Variants in KIRREL3 observed in about 807,000 individuals in gnomAD.
KIRREL3 encodes the protein kin of IRRE-like protein 3.
A neutral mutation model predicts 89.7 loss-of-function variants in KIRREL3; 36 were observed. The ratio of observed to expected loss-of-function variants is 0.40; its 90% CI spans 0.31 to 0.53. The LOEUF (loss-of-function observed/expected upper bound fraction) is 0.53, where lower values mean the gene tolerates loss of function less well. KIRREL3 is among the 20% of genes least tolerant of loss of function. KIRREL3 has a pLI of 0.49. For missense variants in KIRREL3, 864 were observed against 1,056.6 expected (o/e 0.82, Z 2.53); for synonymous variants, 445 against 441.4 (o/e 1.01, Z -0.10).
At chr11:126,671,222 A>C (rs1160596590) in intron 1 of KIRREL3, among the ~76,000 whole-genome samples, 1 of 148,996 alleles carries the variant, frequency 6.7e-6, no homozygotes, top group Non-Finnish European at 1.5e-5. Flanking sequence ...TAGATTGGTG[A>C]TGAGTTTTTC....
rs955667030 is a variant in KIRREL3 at position 126,576,491 on chromosome 11, T to G, written c.56-13579A>C. On this transcript the variant is annotated intron_variant, in intron 1 of 16. Coordinates refer to ENST00000525144, the MANE Select transcript of KIRREL3 (RefSeq NM_032531.4). The surrounding 1 kb of genome is among the most constrained non-coding windows in gnomAD (Gnocchi z 5.4). The stretch of plus-strand genomic sequence containing the variant: ...AAGCTTCCATTTTAGACAGCTTCTA[T>G]GTAGTTCCTTTCCCTTACACGTAAT... Among the ~76,000 whole-genome samples the G allele has an allele frequency of 6.6e-6, 1 of 152,206 alleles. No individual in the cohort carries two copies. Among genetic ancestry groups the G allele is most frequent in the Admixed American group, 6.5e-5 (1 of 15,282 alleles).
In KIRREL3 at chr11:126,569,553, A is replaced by G. The variant is rs185985528; in HGVS notation, c.56-6641T>C. Among the ~76,000 whole-genome samples, 2 of 152,366 alleles carry G rather than the reference A, an allele frequency of 1.3e-5. No individual in the cohort carries two copies. Among genetic ancestry groups the G allele is most frequent in the East Asian group, 3.9e-4 (2 of 5,192 alleles). ...AGTAGGCAAACTTCCTAGCCCAAAG[A>G]TACTATAATCCAGTTGGCTATACAA... On this transcript the variant is annotated intron_variant, in intron 1 of 16. Coordinates refer to ENST00000525144, the MANE Select transcript of KIRREL3 (RefSeq NM_032531.4). The surrounding 1 kb of genome is among the most constrained non-coding windows in gnomAD (Gnocchi z 6.5).
intron 1 of KIRREL3, among the ~76,000 whole-genome samples, chr11:126,845,235 A>G (rs974369881): frequency 6.6e-5 from 10 of 152,152 alleles, no homozygotes; most frequent in African/African-American, 2.4e-4. Context: ...ACCCAGGGCT[A>G]TGGTGCAGTG....
intron 1 of KIRREL3, among the ~76,000 whole-genome samples, chr11:126,665,159 C>G (rs1482573389): frequency 6.6e-6 from 1 of 152,142 alleles, no homozygotes; most frequent in African/African-American, 2.4e-5. Context: ...ACTGATGAAA[C>G]AGTCCATGTG....
At chr11:126,762,605 A>G (rs1405117725) in intron 1 of KIRREL3, among the ~76,000 whole-genome samples, 1 of 152,186 alleles carries the variant, frequency 6.6e-6, no homozygotes, top group African/African-American at 2.4e-5. Context: ...GAATCTGGTC[A>G]CAGCAGTGGG....
At position 126,522,660 on chromosome 11, in the gene KIRREL3, T is replaced by C. The variant is rs1958633801; in HGVS notation, c.284-1196A>G. Among the ~76,000 whole-genome samples, 1 of 152,214 alleles carries C rather than the reference T, an allele frequency of 6.6e-6. No homozygotes were observed. The highest frequency in any genetic ancestry group is 2.1e-4 in the South Asian group (1 of 4,828). On this transcript the variant is annotated intron_variant, in intron 3 of 16. Transcript: ENST00000525144. This position sits in a 1 kb window ranked among gnomAD's most constrained non-coding sequence, Gnocchi z 6.0. ...GTGGCTGGCCACCTTAGGCAGATCCTCTCTTTCCTGGGTCTCGGGCCCTAC... is the reference window on the plus strand; with the variant it reads ...GTGGCTGGCCACCTTAGGCAGATCCCCTCTTTCCTGGGTCTCGGGCCCTAC...
chr11:126,865,165 C>G (rs1430580514), intron 1 of KIRREL3, among the ~76,000 whole-genome samples: 1 of 152,240 alleles, frequency 6.6e-6, no homozygotes, highest in Non-Finnish European at 1.5e-5. Context: ...AAATATATCC[C>G]TGTATGAACC....
At chr11:126,863,385 G>A (rs2134626297) in intron 1 of KIRREL3, among the ~76,000 whole-genome samples, 1 of 52,436 alleles carries the variant, frequency 1.9e-5, no homozygotes, top group South Asian at 9.0e-4. Flanking sequence ...GTGTGTGTTT[G>A]AGTGCGTGTG....
At chr11:126,922,121 G>GTCTATCTATCTATCTA (rs60938174) in intron 1 of KIRREL3, among the ~76,000 whole-genome samples, 95 of 140,078 alleles carry the variant, frequency 6.8e-4, no homozygotes, top group African/African-American at 8.6e-4. Flanking sequence ...CTATCTGTCT[G>GTCTATCTATCTATCTA]TCTATCTATC....
intron 1 of KIRREL3, among the ~76,000 whole-genome samples, chr11:126,967,464 G>C (rs588846): frequency 0.097 from 14,784 of 152,100 alleles, 827 homozygotes; most frequent in Middle Eastern, 0.18. Flanking sequence ...GAGCTGCCTT[G>C]CAATAATAAT....
chr11:126,580,231 C>T (rs983036989), intron 1 of KIRREL3, among the ~76,000 whole-genome samples: 25 of 152,158 alleles, frequency 1.6e-4, no homozygotes, highest in African/African-American at 6.0e-4. Context: ...AGGCCAGTTA[C>T]GGGGCACAGC....
At chr11:126,456,072 C>T (rs543530351) in intron 7 of KIRREL3, among the ~76,000 whole-genome samples, 13 of 106,568 alleles carry the variant, frequency 1.2e-4, no homozygotes, top group Non-Finnish European at 1.9e-4. Context: ...AGCCTTTTCC[C>T]CATGTTTGGA....
In KIRREL3 at chr11:126,883,940, G is replaced by A. The variant is rs1330890196; in HGVS notation, c.55+116515C>T. On this transcript the variant is annotated intron_variant, in intron 1 of 16. Transcript: ENST00000525144. This position sits in a 1 kb window ranked among gnomAD's most constrained non-coding sequence, Gnocchi z 4.1. ...TCACTGGAGCAGTTCAACAATGGAA[G>A]CTTCTCAAAGACATGAGCCCCCTGT... Among the ~76,000 whole-genome samples, 3 of 152,190 alleles carry A rather than the reference G, an allele frequency of 2.0e-5. No homozygotes were observed. The highest frequency in any genetic ancestry group is 4.4e-5 in the Non-Finnish European group (3 of 68,034).
intron 2 of KIRREL3, among the ~76,000 whole-genome samples, chr11:126,546,010 T>C (rs1437723531): frequency 6.6e-6 from 1 of 152,206 alleles, no homozygotes; most frequent in East Asian, 1.9e-4. Flanking sequence ...ATGTGGAAAA[T>C]GTGAGTGATA....
intron 13 of KIRREL3, among the ~76,000 whole-genome samples, chr11:126,434,273 C>T (rs933582535): frequency 3.3e-5 from 5 of 152,336 alleles, no homozygotes; most frequent in Non-Finnish European, 7.4e-5. Context: ...CAGGAGCCAC[C>T]GAGGGGGGAA....
intron 1 of KIRREL3, among the ~76,000 whole-genome samples, chr11:126,618,088 G>A (rs1261212234): frequency 6.6e-6 from 1 of 152,170 alleles, no homozygotes; most frequent in Admixed American, 6.5e-5. Flanking sequence ...GAGATATCAC[G>A]AGATCTGGTT....
chr11:126,451,540 G>A (rs866785040), intron 7 of KIRREL3, among the ~76,000 whole-genome samples: 3 of 149,524 alleles, frequency 2.0e-5, no homozygotes, highest in Admixed American at 6.7e-5. Flanking sequence ...ATGTGTGAGA[G>A]TGTGCATGTG....
chr11:126,657,266 A>C (rs546637149), intron 1 of KIRREL3, among the ~76,000 whole-genome samples: 292 of 151,324 alleles, frequency 1.9e-3, no homozygotes, highest in Non-Finnish European at 2.6e-3. Flanking sequence ...ATAAATAAAT[A>C]AATAAATAAA....
At chr11:126,927,907 T>C (rs977271017) in intron 1 of KIRREL3, among the ~76,000 whole-genome samples, 1 of 152,228 alleles carries the variant, frequency 6.6e-6, no homozygotes, top group Non-Finnish European at 1.5e-5. Flanking sequence ...TTTGCCACTT[T>C]GGGGATCTAC....
Sources: gnomAD v4.1 joint callset for allele counts (sites outside exome capture counted in the v4.1 genomes callset) on GRCh38, gnomAD v4.1.1 for gene constraint, Gnocchi (gnomAD v3.1) non-coding constraint, MANE v1.5 for transcripts, NCBI Gene and HGNC (gene_info 2026-07-23, HGNC 2026-07-21) for gene names.